The following ERAP1 variants were observed in gnomAD, a reference collection of about 807,000 sequenced individuals.
ERAP1 encodes endoplasmic reticulum aminopeptidase 1.
A neutral mutation model predicts 103.7 loss-of-function variants in ERAP1; 86 were observed. That is an observed-to-expected ratio of 0.83 (90% confidence interval 0.70 to 0.99). The LOEUF (loss-of-function observed/expected upper bound fraction) is 0.99. Ranked by LOEUF, ERAP1 falls within the 50% of genes least tolerant of loss-of-function variation. The probability of loss-of-function intolerance (pLI) is 0.00; values close to 1 mark genes in which losing one functional copy is unlikely to be tolerated. For synonymous variants in ERAP1, 398 were observed against 402.4 expected (o/e 0.99, Z 0.13); for missense variants, 1,009 against 1,128.4 (o/e 0.89, Z 1.52).
chr5:96,770,360 C>G, downstream of ERAP1: 1 of 571,232 alleles, frequency 1.8e-6, no homozygotes, highest in South Asian at 2.1e-5. Flanking sequence ...CTGCTTTAAA[C>G]AATTCTCTGA....
chr5:96,900,920 C>T, the ERAP1 span, among the ~76,000 whole-genome samples: 1 of 152,156 alleles, frequency 6.6e-6, no homozygotes, highest in African/African-American at 2.4e-5. Context: ...CCACCTTGGC[C>T]TCCCAAAATG....
At chr5:96,846,784 A>G in the ERAP1 span, among the ~76,000 whole-genome samples, 1 of 151,550 alleles carries the variant, frequency 6.6e-6, no homozygotes, top group Non-Finnish European at 1.5e-5. Context: ...AGAAATGGAG[A>G]AGCCATGGTA....
At chr5:96,847,195 C>T in the ERAP1 span, among the ~76,000 whole-genome samples, 12 of 146,008 alleles carry the variant, frequency 8.2e-5, no homozygotes, top group African/African-American at 3.0e-4. Context: ...TTACAGTGAG[C>T]TGAGATCATG....
At chr5:96,786,285 A>G (rs1187515027) in intron 12 of ERAP1, among the ~76,000 whole-genome samples, 185 bp downstream of exon 12, 2 of 152,204 alleles carry the variant, frequency 1.3e-5, no homozygotes, top group African/African-American at 4.8e-5. Flanking sequence ...CCTTTTTAGC[A>G]TTATATAATT....
the ERAP1 span, among the ~76,000 whole-genome samples, chr5:96,835,560 T>A: frequency 6.6e-6 from 1 of 152,252 alleles, no homozygotes; most frequent in African/African-American, 2.4e-5. Flanking sequence ...CAGGTGCTTT[T>A]TAAAACAATT....
downstream of ERAP1, among the ~76,000 whole-genome samples, chr5:96,771,121 C>T (rs549534741): frequency 2.6e-5 from 4 of 152,278 alleles, no homozygotes; most frequent in South Asian, 6.2e-4. Context: ...ATATTAAAAT[C>T]TTCCTGTAGT....
the ERAP1 span, among the ~76,000 whole-genome samples, chr5:96,860,379 G>T: frequency 1.3e-5 from 2 of 152,024 alleles, no homozygotes; most frequent in Admixed American, 1.3e-4. Context: ...TAATGAGAAT[G>T]TGTTTCACAG....
the ERAP1 span, among the ~76,000 whole-genome samples, chr5:96,876,777 AT>A: frequency 1.3e-5 from 2 of 151,986 alleles, no homozygotes; most frequent in African/African-American, 4.8e-5. Context: ...GTTTGTGACA[AT>A]TCTTGCCTCT....
At chr5:96,885,466 C>T in the ERAP1 span, among the ~76,000 whole-genome samples, 1 of 152,178 alleles carries the variant, frequency 6.6e-6, no homozygotes, top group Non-Finnish European at 1.5e-5. Flanking sequence ...TCAGTACCTT[C>T]CTCTTTATTG....
At chr5:96,788,100 G>C (rs973660409) in intron 11 of ERAP1, among the ~76,000 whole-genome samples, 1 of 152,014 alleles carries the variant, frequency 6.6e-6, no homozygotes, top group South Asian at 2.1e-4. Context: ...ATAGCATTAA[G>C]CTGACAAACA....
chr5:96,889,245 C>T, the ERAP1 span: 1 of 1,613,946 alleles, frequency 6.2e-7, no homozygotes, highest in Non-Finnish European at 8.5e-7. Flanking sequence ...GCAGGCATCA[C>T]TGAAGCTACT....
chr5:96,902,364 A>G, the ERAP1 span: 13 of 1,562,008 alleles, frequency 8.3e-6, no homozygotes, highest in Non-Finnish European at 1.1e-5. Context: ...GTAATGAACT[A>G]ATTAGCCAAA....
At chr5:96,874,891 T>C in the ERAP1 span, among the ~76,000 whole-genome samples, 1 of 152,228 alleles carries the variant, frequency 6.6e-6, no homozygotes, top group East Asian at 1.9e-4. Flanking sequence ...CTTGTTATAT[T>C]TCACTTGACA....
At chr5:96,895,192 G>C in the ERAP1 span, 1 of 1,108,422 alleles carries the variant, frequency 9.0e-7, no homozygotes, top group Non-Finnish European at 1.3e-6. Context: ...TTTTGCTAAA[G>C]TTAATAATTT....
chr5:96,852,145 A>G, the ERAP1 span, among the ~76,000 whole-genome samples: 7,264 of 152,276 alleles, frequency 0.048, 213 homozygotes, highest in South Asian at 0.11. Context: ...CTAAACACCC[A>G]CTTCTATTAT....
rs867003965 is a variant in ERAP1, at chr5:96,786,522, G to C, written c.1707C>G (p.Phe569Leu). Reference protein sequence around the residue: ...TGYLWHVPLTFITSKSDMVHR... With the variant: ...TGYLWHVPLTLITSKSDMVHR... ...GGACCATGTCGGATTTGCTGGTGAT[G>C]AATGTCAATGGAACATGCCACAGGT... The change falls in exon 12 of 19, where the codon TTC becomes TTG. Residue 569 changes from phenylalanine (F) to leucine (L), a missense_variant. Phe to Leu is a conservative substitution (Grantham distance 22). Transcript: ENST00000443439. 6.2e-7 allele frequency: 1 copy of C among 1,612,764 alleles called. No homozygotes were observed. The highest frequency in any genetic ancestry group is 1.1e-5 in the South Asian group (1 of 91,046).
intron 3 of ERAP1, among the ~76,000 whole-genome samples, chr5:96,797,555 A>T (rs1777486043): frequency 6.6e-6 from 1 of 152,146 alleles, no homozygotes; most frequent in African/African-American, 2.4e-5. Flanking sequence ...AGTCATAGCT[A>T]CTGGGGAGGC....
the ERAP1 span, among the ~76,000 whole-genome samples, chr5:96,890,982 A>G: frequency 6.6e-6 from 1 of 152,204 alleles, no homozygotes; most frequent in Non-Finnish European, 1.5e-5. Context: ...CTTAGGAAAA[A>G]ATAGAGCAGA....
chr5:96,890,168 T>C, the ERAP1 span, among the ~76,000 whole-genome samples: 2 of 152,262 alleles, frequency 1.3e-5, no homozygotes, highest in African/African-American at 2.4e-5. Context: ...TTTTAGAAGG[T>C]TGTAGAGAAG....
Sources: allele counts gnomAD v4.1 joint callset (sites outside exome capture counted in the v4.1 genomes callset), GRCh38; gene constraint gnomAD v4.1.1; transcripts MANE v1.5; gene names NCBI Gene and HGNC (gene_info 2026-07-23, HGNC 2026-07-21).